DLC1: variants seen among roughly 807,000 people sequenced by gnomAD.
DLC1 encodes the protein rho GTPase-activating protein 7.
In DLC1, 54 loss-of-function variants were observed where a neutral mutation model predicts 140.3. That is an observed-to-expected ratio of 0.38 (90% CI 0.31 to 0.48). The LOEUF (loss-of-function observed/expected upper bound fraction) is 0.48, where lower values mean the gene tolerates loss of function less well. Ranked by LOEUF, DLC1 falls within the 20% of genes least tolerant of loss-of-function variation. The pLI, the probability that DLC1 is intolerant of heterozygous loss-of-function variation, is 0.96. For synonymous variants in DLC1, 986 were observed against 728.1 expected (o/e 1.35, Z -5.70); for missense variants, 2,536 against 1,907.0 (o/e 1.33, Z -6.14).
At chr8:13,232,809 A>G (rs1463642375) in intron 5 of DLC1, among the ~76,000 whole-genome samples, 1 of 152,246 alleles carries the variant, frequency 6.6e-6, no homozygotes, top group African/African-American at 2.4e-5. Flanking sequence ...AATATCCTAT[A>G]GTCTCAGATG....
chr8:13,449,911 T>TG (rs567807687), intron 2 of DLC1, among the ~76,000 whole-genome samples: 87 of 152,104 alleles, frequency 5.7e-4, no homozygotes, highest in African/African-American at 2.0e-3. Context: ...AACACAGCAG[T>TG]GGGGTTCTTA....
chr8:13,259,405 C>T (rs11989585), intron 5 of DLC1, among the ~76,000 whole-genome samples: 19,603 of 152,026 alleles, frequency 0.13, 1,318 homozygotes, highest in South Asian at 0.24. Context: ...CAAAAACACC[C>T]GGACAGAGTG....
chr8:13,243,258 C>T (rs1398601178), intron 5 of DLC1, among the ~76,000 whole-genome samples: 1 of 130,620 alleles, frequency 7.7e-6, no homozygotes, highest in East Asian at 2.4e-4. Context: ...CCATTGCATT[C>T]CAGCCTGGGT....
intron 2 of DLC1, among the ~76,000 whole-genome samples, chr8:13,452,604 C>A (rs1465808767): frequency 6.6e-6 from 1 of 152,270 alleles, no homozygotes; most frequent in African/African-American, 2.4e-5. Flanking sequence ...CTGACTTGAG[C>A]TCCTTCAGTA....
At chr8:13,310,816 C>G (rs1176992555) in intron 4 of DLC1, among the ~76,000 whole-genome samples, 1 of 152,116 alleles carries the variant, frequency 6.6e-6, no homozygotes, top group Non-Finnish European at 1.5e-5. Flanking sequence ...AGTCATCATT[C>G]TTTCATTAAA....
intron 5 of DLC1, among the ~76,000 whole-genome samples, chr8:13,149,284 G>A (rs1219056879): frequency 1.3e-5 from 2 of 152,078 alleles, no homozygotes; most frequent in Non-Finnish European, 1.5e-5. Flanking sequence ...TCATATATGA[G>A]CTCTGTTCTT....
chr8:13,157,172 C>G (rs551450374), intron 5 of DLC1, among the ~76,000 whole-genome samples: 19 of 152,270 alleles, frequency 1.2e-4, no homozygotes, highest in African/African-American at 4.6e-4. Flanking sequence ...AAATGAAAAC[C>G]GGTTACCCAG....
chr8:13,563,693 C>G (rs1220546244), intron 1 of DLC1, among the ~76,000 whole-genome samples: 3 of 152,010 alleles, frequency 2.0e-5, no homozygotes, highest in African/African-American at 7.3e-5. Flanking sequence ...CATTTTGACC[C>G]ACGAATTATG....
rs370813241 is a variant in DLC1 at position 13,589,771 on chromosome 8, T to G, written c.-126+14766A>C. On this transcript the variant is annotated intron_variant, in intron 1 of 1. Transcript: ENST00000631382. ...TTTTTCCAACAGAGATTGTGTAAAT[T>G]TTTTTAATTTAAAGAATTTTAAAAT... 1.1e-3 allele frequency among the ~76,000 whole-genome samples: 164 copies of G among 151,910 alleles called. 1 individual carries two copies. The highest frequency in any genetic ancestry group is 5.2e-3 in the South Asian group (25 of 4,824).
chr8:13,535,248 C>T (rs988713687), intron 1 of DLC1, among the ~76,000 whole-genome samples: 7 of 151,724 alleles, frequency 4.6e-5, no homozygotes, highest in Non-Finnish European at 2.9e-5. Flanking sequence ...TCTGTGGGTG[C>T]GAGTGTGTGT....
intron 5 of DLC1, among the ~76,000 whole-genome samples, chr8:13,126,312 C>A (rs1316397908): frequency 1.3e-5 from 2 of 151,598 alleles, no homozygotes; most frequent in Non-Finnish European, 2.9e-5. Flanking sequence ...TCATTTCAAC[C>A]TGGGGCAGGA....
At chr8:13,248,836 T>C (rs773466034) in intron 5 of DLC1, among the ~76,000 whole-genome samples, 4 of 152,190 alleles carry the variant, frequency 2.6e-5, no homozygotes, top group Non-Finnish European at 4.4e-5. Context: ...AACCTCCACA[T>C]TGAATTAAAG....
At chr8:13,244,077 G>A (rs1052906921) in intron 5 of DLC1, among the ~76,000 whole-genome samples, 1 of 152,016 alleles carries the variant, frequency 6.6e-6, no homozygotes, top group African/African-American at 2.4e-5. Flanking sequence ...TCCCTTTCCT[G>A]TGCTTCACAC....
chr8:13,121,999 C>A (rs2128955858), intron 5 of DLC1, among the ~76,000 whole-genome samples: 1 of 152,294 alleles, frequency 6.6e-6, no homozygotes, highest in Non-Finnish European at 1.5e-5. Flanking sequence ...GATAACATTT[C>A]TTTGTATTCC....
intron 5 of DLC1, among the ~76,000 whole-genome samples, chr8:13,129,109 T>C (rs957969389): frequency 6.6e-6 from 1 of 152,314 alleles, no homozygotes; most frequent in East Asian, 1.9e-4. Flanking sequence ...CCCTTTTACA[T>C]TAACTGGATC....
At chr8:13,144,814 A>T (rs1269723554) in intron 5 of DLC1, among the ~76,000 whole-genome samples, 1 of 152,188 alleles carries the variant, frequency 6.6e-6, no homozygotes, top group Non-Finnish European at 1.5e-5. Context: ...CTATCTATTT[A>T]TCTGTCCTAC....
intron 5 of DLC1, among the ~76,000 whole-genome samples, chr8:13,180,041 C>T (rs542130536): frequency 3.9e-5 from 6 of 152,178 alleles, no homozygotes; most frequent in African/African-American, 1.4e-4. Context: ...TAGACGTAAG[C>T]CTTGATCTTG....
In DLC1 at chr8:13,318,946, C is replaced by T. The variant is rs192599425; in HGVS notation, c.1315-13644G>A. On this transcript the variant is annotated intron_variant, in intron 4 of 17. Coordinates refer to ENST00000276297, the MANE Select transcript of DLC1 (RefSeq NM_182643.3). Reference sequence around the variant, plus strand: ...ACAGATTGAATGCTCTGTGGTTTAGCCTCATGTAATCTCTCTCCTGCAAAG... The same window carrying T: ...ACAGATTGAATGCTCTGTGGTTTAGTCTCATGTAATCTCTCTCCTGCAAAG... Among the ~76,000 whole-genome samples the T allele has an allele frequency of 2.7e-3, 413 of 152,266 alleles. 1 individual carries two copies. Among genetic ancestry groups the T allele is most frequent in the Non-Finnish European group, 3.2e-3 (216 of 68,030 alleles).
intron 5 of DLC1, among the ~76,000 whole-genome samples, chr8:13,155,206 G>C (rs893097833): frequency 2.0e-5 from 3 of 150,320 alleles, no homozygotes; most frequent in Non-Finnish European, 4.4e-5. Flanking sequence ...AGTATGCATA[G>C]AATTCTATTA....
Sources: allele counts gnomAD v4.1 joint callset (sites outside exome capture counted in the v4.1 genomes callset), GRCh38; gene constraint gnomAD v4.1.1; transcripts MANE v1.5; gene names NCBI Gene and HGNC (gene_info 2026-07-23, HGNC 2026-07-21).